The following ATG10 variants were observed in gnomAD, a reference collection of about 807,000 sequenced individuals.
ATG10 encodes the protein ubiquitin-like-conjugating enzyme ATG10.
A neutral mutation model predicts 32.1 loss-of-function variants in ATG10; 30 were observed. The ratio of observed to expected loss-of-function variants is 0.94; its 90% CI spans 0.70 to 1.27. ATG10 has a LOEUF of 1.27. Ranked by LOEUF, ATG10 falls within the 50% of genes most tolerant of loss-of-function variation. The probability of loss-of-function intolerance (pLI) is 0.00; values close to 1 mark genes in which losing one functional copy is unlikely to be tolerated. For synonymous variants in ATG10, 87 were observed against 91.5 expected (o/e 0.95, Z 0.28); for missense variants, 233 against 262.3 (o/e 0.89, Z 0.77).
intron 3 of ATG10, among the ~76,000 whole-genome samples, chr5:82,072,685 C>G (rs946417264): frequency 3.9e-5 from 6 of 152,072 alleles, no homozygotes; most frequent in African/African-American, 1.2e-4. Flanking sequence ...CCGTTTATCC[C>G]AAAGGACCAA....
rs915973534 is a variant in ATG10 at position 82,035,514 on chromosome 5, T to C, written c.109-22981T>C. ...AAAAATAAATGAATATGCTCATTTTTCTCATATGCTCTATAAAATTGGATA... is the reference window on the plus strand; with the variant it reads ...AAAAATAAATGAATATGCTCATTTTCCTCATATGCTCTATAAAATTGGATA... On this transcript the variant is annotated intron_variant, in intron 2 of 7. Transcript: ENST00000282185. Among the ~76,000 whole-genome samples, 7 of 152,262 alleles carry C rather than the reference T, an allele frequency of 4.6e-5. No individual in the cohort carries two copies. The East Asian group carries it at 1.3e-3, about 29-fold the overall frequency.
At chr5:82,165,136 G>C (rs1380464988) in intron 4 of ATG10, among the ~76,000 whole-genome samples, 2 of 152,190 alleles carry the variant, frequency 1.3e-5, no homozygotes, top group African/African-American at 4.8e-5. Flanking sequence ...TTAATCAGCA[G>C]CCACATGGCG....
intron 2 of ATG10, among the ~76,000 whole-genome samples, chr5:82,057,409 A>C (rs948978664): frequency 9.2e-5 from 14 of 152,130 alleles, no homozygotes; most frequent in Non-Finnish European, 1.9e-4. Context: ...TTAGGGAAGG[A>C]CCATTCCTTA....
At chr5:82,222,733 C>A (rs574018769) in intron 5 of ATG10, among the ~76,000 whole-genome samples, 1 of 152,260 alleles carries the variant, frequency 6.6e-6, no homozygotes, top group East Asian at 1.9e-4. Flanking sequence ...TGGAGATTGC[C>A]CCAGGTCTGG....
chr5:82,139,879 G>A (rs1168829152), intron 3 of ATG10, among the ~76,000 whole-genome samples: 64 of 139,268 alleles, frequency 4.6e-4, no homozygotes, highest in Non-Finnish European at 8.1e-4. Flanking sequence ...CGCCCCGTCC[G>A]GGAGGGAGGT....
intron 2 of ATG10, among the ~76,000 whole-genome samples, chr5:82,022,224 C>T (rs1417023652): frequency 1.3e-5 from 2 of 151,588 alleles, no homozygotes; most frequent in African/African-American, 4.8e-5. Flanking sequence ...TTGGTTGAAT[C>T]CGTGGATGCA....
chr5:81,997,902 C>T (rs976207773), intron 2 of ATG10, among the ~76,000 whole-genome samples: 1 of 152,144 alleles, frequency 6.6e-6, no homozygotes, highest in Non-Finnish European at 1.5e-5. Context: ...AAGAGATCAC[C>T]CCTGTGACTC....
chr5:82,136,257 A>G (rs1295334505), intron 3 of ATG10, among the ~76,000 whole-genome samples: 1 of 152,084 alleles, frequency 6.6e-6, no homozygotes, highest in East Asian at 1.9e-4. Context: ...TGTGAATTTG[A>G]TCATGTCAGT....
intron 3 of ATG10, among the ~76,000 whole-genome samples, chr5:82,071,083 C>T (rs772302355): frequency 1.1e-4 from 16 of 151,986 alleles, no homozygotes; most frequent in Non-Finnish European, 1.8e-4. Context: ...AACTGTTGTT[C>T]TATGGCAGTA....
chr5:82,137,682 G>A (rs1023657586), intron 3 of ATG10, among the ~76,000 whole-genome samples: 1 of 152,182 alleles, frequency 6.6e-6, no homozygotes, highest in African/African-American at 2.4e-5. Flanking sequence ...CCAGTGAGGA[G>A]GCACGGGGGT....
chr5:82,209,752 A>G (rs1028342940), intron 5 of ATG10, among the ~76,000 whole-genome samples: 75 of 151,878 alleles, frequency 4.9e-4, no homozygotes, highest in African/African-American at 1.7e-3. Flanking sequence ...ATTTTGGGCC[A>G]TTTTTTCTTT....
intron 3 of ATG10, among the ~76,000 whole-genome samples, chr5:82,080,641 T>C (rs1181921258): frequency 1.3e-5 from 2 of 152,240 alleles, no homozygotes; most frequent in African/African-American, 4.8e-5. Context: ...ATTGCTTGTT[T>C]TTCTCAGGTT....
intron 5 of ATG10, among the ~76,000 whole-genome samples, chr5:82,216,189 G>C (rs921575529): frequency 3.3e-5 from 5 of 152,136 alleles, no homozygotes; most frequent in Admixed American, 2.0e-4. Context: ...GAAATATTCT[G>C]TAGATCCTAG....
intron 2 of ATG10, among the ~76,000 whole-genome samples, chr5:82,005,483 C>T (rs747970360): frequency 9.9e-5 from 15 of 152,122 alleles, no homozygotes; most frequent in South Asian, 2.1e-4. Context: ...TTAATAGAGA[C>T]GGGGTTTCAC....
At position 82,043,179 on chromosome 5, in the gene ATG10, C is replaced by T. The variant is rs192347598; in HGVS notation, c.109-15316C>T. On this transcript the variant is annotated intron_variant, in intron 2 of 7. Transcript: ENST00000282185. The stretch of plus-strand genomic sequence containing the variant: ...CCCAAACCTCAATTCTTGCCTTCTG[C>T]ACACCTGCAGGCCCAATACCACATG... 3.8e-3 allele frequency among the ~76,000 whole-genome samples: 580 copies of T among 152,334 alleles called. 1 individual carries two copies. Among genetic ancestry groups the T allele is most frequent in the Admixed American group, 7.6e-3 (116 of 15,292 alleles).
intron 5 of ATG10, among the ~76,000 whole-genome samples, chr5:82,210,641 C>A (rs1255090482): frequency 6.6e-6 from 1 of 152,030 alleles, no homozygotes; most frequent in Non-Finnish European, 1.5e-5. Context: ...CCCCAGCTTT[C>A]CTAGTTCCTA....
At chr5:82,251,229 A>G (rs1747242142) in intron 5 of ATG10, among the ~76,000 whole-genome samples, 1 of 152,164 alleles carries the variant, frequency 6.6e-6, no homozygotes, top group South Asian at 2.1e-4. Context: ...AAGCATACAG[A>G]CATGAATGTT....
intron 1 of ATG10, among the ~76,000 whole-genome samples, chr5:81,974,038 A>C (rs1192868446): frequency 6.6e-6 from 1 of 152,234 alleles, no homozygotes; most frequent in Non-Finnish European, 1.5e-5. Context: ...GTAGTTCCTG[A>C]TGCCTAATAC....
At chr5:82,138,476 G>A (rs1766864373) in intron 3 of ATG10, among the ~76,000 whole-genome samples, 1 of 152,144 alleles carries the variant, frequency 6.6e-6, no homozygotes, top group African/African-American at 2.4e-5. Context: ...CTTGGCTAGG[G>A]GAGTGAGTTC....
Sources: gnomAD v4.1 joint callset for allele counts (sites outside exome capture counted in the v4.1 genomes callset) on GRCh38, gnomAD v4.1.1 for gene constraint, MANE v1.5 for transcripts, NCBI Gene and HGNC (gene_info 2026-07-23, HGNC 2026-07-21) for gene names.